Variants in KIAA1328 observed in about 807,000 individuals in gnomAD.
The protein encoded by KIAA1328 is protein hinderin.
In KIAA1328, 52 loss-of-function variants were observed where a neutral mutation model predicts 68.1. That is an observed-to-expected ratio of 0.76 (90% CI 0.61 to 0.96). The LOEUF is 0.96. Ranked by LOEUF, KIAA1328 falls within the 40% of genes least tolerant of loss-of-function variation. The probability of loss-of-function intolerance (pLI) is 0.00; values close to 1 mark genes in which losing one functional copy is unlikely to be tolerated. For synonymous variants in KIAA1328, 232 were observed against 239.4 expected, an observed-to-expected ratio of 0.97 and a Z score of 0.28; for missense variants, 641 against 677.6, an observed-to-expected ratio of 0.95 and a Z score of 0.60.
intron 7 of KIAA1328, among the ~76,000 whole-genome samples, chr18:37,126,191 A>G (rs1338774273): frequency 6.6e-6 from 1 of 152,200 alleles, no homozygotes; most frequent in Admixed American, 6.6e-5. Flanking sequence ...TGAACCATAA[A>G]TGAATTTTAT....
In KIAA1328 at chr18:36,848,541, C is replaced by CTTTTTTTTTTTT. The variant is rs59271370; in HGVS notation, c.332+4252_332+4263dup. On this transcript the variant is annotated intron_variant, in intron 4 of 9. Coordinates refer to ENST00000280020, the MANE Select transcript of KIAA1328 (RefSeq NM_020776.3). Reference sequence around the variant, plus strand: ...TTTTTTCCTTTCCAATCTATAGATGCTTTTTTTTTTTTTTTTTTTTTTTTG... The same window carrying CTTTTTTTTTTTT: ...TTTTTTCCTTTCCAATCTATAGATGCTTTTTTTTTTTTTTTTTTTTTTTTTTTTTTTTTTTTG... Among the ~76,000 whole-genome samples the CTTTTTTTTTTTT allele has an allele frequency of 5.2e-4, 20 of 38,148 alleles. 1 individual carries two copies. The highest frequency in any genetic ancestry group is 1.2e-3 in the African/African-American group (10 of 8,682). 25.0% of individuals were successfully genotyped at this position (38,148 alleles called of 152,430 possible). A position where few individuals can be genotyped will look rare whatever the true frequency, so the allele number is the denominator to read the frequency against.
chr18:37,125,003 T>C (rs1568438510), intron 7 of KIAA1328, among the ~76,000 whole-genome samples: 1 of 152,144 alleles, frequency 6.6e-6, no homozygotes, highest in Non-Finnish European at 1.5e-5. Flanking sequence ...ATGGAAAACA[T>C]ATGACTTAAT....
intron 1 of KIAA1328, among the ~76,000 whole-genome samples, chr18:36,830,885 G>A (rs1465441274): frequency 1.3e-5 from 2 of 152,226 alleles, no homozygotes; most frequent in African/African-American, 4.8e-5. Flanking sequence ...AGTTGCTAGT[G>A]TCACCTTTCC....
chr18:36,865,313 C>T (rs1016836845), intron 4 of KIAA1328, among the ~76,000 whole-genome samples: 2 of 151,938 alleles, frequency 1.3e-5, no homozygotes, highest in African/African-American at 4.8e-5. Context: ...CTTCTTTGAT[C>T]CACAATTTTT....
intron 8 of KIAA1328, among the ~76,000 whole-genome samples, chr18:37,167,559 C>T (rs907740486): frequency 6.6e-6 from 1 of 152,024 alleles, no homozygotes; most frequent in South Asian, 2.1e-4. Flanking sequence ...CTGTCTGCAT[C>T]GTTCCACCGG....
intron 1 of KIAA1328, chr18:36,833,182 A>T (rs2046555337): frequency 6.6e-6 from 1 of 152,214 alleles, no homozygotes; most frequent in African/African-American, 2.4e-5. Flanking sequence ...AAAATAAAGC[A>T]GGAAAGAGGC....
intron 6 of KIAA1328, among the ~76,000 whole-genome samples, chr18:37,037,745 A>G (rs1050131418): frequency 3.2e-4 from 48 of 151,770 alleles, no homozygotes; most frequent in African/African-American, 1.1e-3. Context: ...TTTTTAATAT[A>G]CAAATGGGTT....
chr18:36,972,304 C>T (rs986816651), intron 6 of KIAA1328, among the ~76,000 whole-genome samples: 14 of 152,172 alleles, frequency 9.2e-5, no homozygotes, highest in Non-Finnish European at 1.9e-4. Context: ...TTTTGTAAAA[C>T]CTAGTTTCAG....
chr18:37,078,300 C>T (rs1339720149), intron 7 of KIAA1328, among the ~76,000 whole-genome samples: 2 of 152,126 alleles, frequency 1.3e-5, no homozygotes, highest in South Asian at 2.1e-4. Flanking sequence ...AGCTGGATCC[C>T]TTCCTTACAC....
chr18:37,138,449 T>G (rs1421968994), intron 7 of KIAA1328, among the ~76,000 whole-genome samples: 2 of 152,218 alleles, frequency 1.3e-5, no homozygotes, highest in African/African-American at 4.8e-5. Context: ...TTCTATCTAT[T>G]GTTGTCCAGA....
At chr18:36,983,085 A>G (rs1174496846) in intron 6 of KIAA1328, among the ~76,000 whole-genome samples, 1 of 152,014 alleles carries the variant, frequency 6.6e-6, no homozygotes, top group Non-Finnish European at 1.5e-5. Flanking sequence ...TGGGACAAAT[A>G]GAAATCAAAA....
Position 36,942,250 on chromosome 18 carries a change from A to G in KIAA1328, c.449-17058A>G, listed in dbSNP as rs554775641. Among the ~76,000 whole-genome samples the G allele has an allele frequency of 5.3e-5, 8 of 152,316 alleles. No homozygotes were observed. In the South Asian group the frequency reaches 1.4e-3, roughly 28 times the overall value. On this transcript the variant is annotated intron_variant, in intron 5 of 9. Transcript: ENST00000280020. ...ATTTCTACTGGGCTTGGTCAGCTAG[A>G]TGTAGTTTTCTGCCTGCACCTGGTG...
chr18:37,054,313 T>C (rs891409054), intron 6 of KIAA1328, among the ~76,000 whole-genome samples: 8 of 152,134 alleles, frequency 5.3e-5, no homozygotes, highest in African/African-American at 1.7e-4. Context: ...CTACTAGATA[T>C]CTACCCAAAG....
At chr18:36,868,307 T>C (rs1188077153) in intron 4 of KIAA1328, among the ~76,000 whole-genome samples, 4 of 152,174 alleles carry the variant, frequency 2.6e-5, no homozygotes, top group African/African-American at 9.6e-5. Flanking sequence ...GGAATATTGA[T>C]TGATCTTTCT....
At chr18:36,996,936 T>C (rs2053414388) in intron 6 of KIAA1328, among the ~76,000 whole-genome samples, 1 of 152,178 alleles carries the variant, frequency 6.6e-6, no homozygotes, top group South Asian at 2.1e-4. Context: ...GTCTTTAAGG[T>C]GGACGTGCGC....
chr18:37,206,636 G>A (rs72898312), intron 9 of KIAA1328, among the ~76,000 whole-genome samples: 4 of 152,276 alleles, frequency 2.6e-5, no homozygotes, highest in Non-Finnish European at 5.9e-5. Flanking sequence ...CTAGGTAGTT[G>A]TTGTAGTTGC....
intron 7 of KIAA1328, among the ~76,000 whole-genome samples, chr18:37,118,968 A>G (rs900068427): frequency 1.2e-4 from 18 of 152,076 alleles, no homozygotes; most frequent in Non-Finnish European, 4.4e-5. Context: ...ACATTTCACC[A>G]TTTTCTCAAG....
At chr18:36,967,313 A>G (rs1204850207) in intron 6 of KIAA1328, among the ~76,000 whole-genome samples, 1 of 152,208 alleles carries the variant, frequency 6.6e-6, no homozygotes, top group African/African-American at 2.4e-5. Flanking sequence ...ATAAGGATTT[A>G]AGTCCTACAA....
At chr18:36,876,219 T>A (rs1233097220) in intron 4 of KIAA1328, among the ~76,000 whole-genome samples, 1 of 152,186 alleles carries the variant, frequency 6.6e-6, no homozygotes, top group African/African-American at 2.4e-5. Flanking sequence ...TTCTATTGTT[T>A]GGAATAGTTT....
Sources: gnomAD v4.1 joint callset for allele counts (sites outside exome capture counted in the v4.1 genomes callset) on GRCh38, gnomAD v4.1.1 for gene constraint, MANE v1.5 for transcripts, NCBI Gene and HGNC (gene_info 2026-07-23, HGNC 2026-07-21) for gene names.